ARNT2: variants seen among roughly 807,000 people sequenced by gnomAD.
ARNT2 encodes the protein ARNT protein 2.
ARNT2 carries 36 observed loss-of-function variants against 91.7 expected under a neutral mutation model. The ratio of observed to expected loss-of-function variants is 0.39; its 90% CI spans 0.30 to 0.52. The LOEUF is 0.52. Ranked by LOEUF, ARNT2 falls within the 20% of genes least tolerant of loss-of-function variation. The pLI, the probability that ARNT2 is intolerant of heterozygous loss-of-function variation, is 0.72. For synonymous variants in ARNT2, 365 were observed against 347.1 expected (o/e 1.05, Z -0.57); for missense variants, 775 against 939.3 (o/e 0.83, Z 2.29).
rs145109181 is a variant in ARNT2 at position 80,498,502 on chromosome 15, A to C, written c.623-9654A>C. ...CTGTATTAATGACCGTCCTAGGACAATAGGCAAAAGCTAGGCTGTCCCAGC... is the reference window on the plus strand; with the variant it reads ...CTGTATTAATGACCGTCCTAGGACACTAGGCAAAAGCTAGGCTGTCCCAGC... On this transcript the variant is annotated intron_variant, in intron 5 of 18. Coordinates refer to ENST00000303329, the MANE Select transcript of ARNT2 (RefSeq NM_014862.4). Among the ~76,000 whole-genome samples the C allele has an allele frequency of 8.4e-3, 1,286 of 152,352 alleles. 8 individuals carry two copies. The highest frequency in any genetic ancestry group is 0.014 in the Non-Finnish European group (940 of 68,030).
At chr15:80,446,620 G>A (rs62006385) in intron 1 of ARNT2, among the ~76,000 whole-genome samples, 15,358 of 152,290 alleles carry the variant, frequency 0.1, 827 homozygotes, top group Middle Eastern at 0.16. Flanking sequence ...CACTAGCCAT[G>A]TTACAGGGTA....
chr15:80,570,460 C>CTTAT (rs148044324), intron 12 of ARNT2, among the ~76,000 whole-genome samples: 9,081 of 152,158 alleles, frequency 0.06, 860 homozygotes, highest in African/African-American at 0.21. Context: ...TAACAAAAGC[C>CTTAT]ATAAAGTAAG....
In ARNT2 at chr15:80,551,210, C is replaced by A. The variant is rs1338755934; in HGVS notation, c.889C>A (p.Pro297Thr). 3.7e-6 allele frequency: 6 copies of A among 1,613,820 alleles called. No individual in the cohort carries two copies. The highest frequency in any genetic ancestry group is 3.3e-5 in the Admixed American group (2 of 60,004). The part of the protein sequence containing the change: ...KAWPPAGMTI[P>T]EEDADVGQGS... ...ATTTCCCATTTCAGGAATGACCATA[C>A]CTGAAGAAGACGCTGATGTGGGACA... Residue 297 changes from proline to threonine, a missense_variant, in exon 9 of 19, where the codon CCT becomes ACT. Around this residue, in one of 5 missense-constraint regions of ARNT2, gnomAD observed 285 missense variants for 327.2 expected, o/e 0.87. Coordinates refer to ENST00000303329, the MANE Select transcript of ARNT2 (RefSeq NM_014862.4).
intron 8 of ARNT2, among the ~76,000 whole-genome samples, chr15:80,520,925 G>A (rs1483346552): frequency 6.6e-6 from 1 of 151,984 alleles, no homozygotes; most frequent in African/African-American, 2.4e-5. Context: ...TTGTCACATT[G>A]CTCTAGTATA....
Position 80,505,057 on chromosome 15 carries a change from C to T in ARNT2, c.623-3099C>T, listed in dbSNP as rs893378764. On this transcript the variant is annotated intron_variant, in intron 5 of 18. Transcript: ENST00000303329. Reference sequence around the variant, plus strand: ...AAGGTTCTCAAGGAGGAGTGTGACGCGATCATTTGATCTAAGCCTGCCAGG... The same window carrying T: ...AAGGTTCTCAAGGAGGAGTGTGACGTGATCATTTGATCTAAGCCTGCCAGG... 6.6e-5 allele frequency among the ~76,000 whole-genome samples: 10 copies of T among 152,260 alleles called. No homozygotes were observed. The South Asian group carries it at 1.4e-3, about 22-fold the overall frequency.
chr15:80,508,528 A>G (rs1302961148), intron 6 of ARNT2, among the ~76,000 whole-genome samples: 1 of 152,010 alleles, frequency 6.6e-6, no homozygotes, highest in African/African-American at 2.4e-5. Context: ...GTATCACTCT[A>G]CTTCCTACCC....
At chr15:80,470,701 G>A (rs907369278) in intron 4 of ARNT2, among the ~76,000 whole-genome samples, 4 of 152,210 alleles carry the variant, frequency 2.6e-5, no homozygotes, top group African/African-American at 9.7e-5. Flanking sequence ...ACTGACACAG[G>A]AAGAAGTTAG....
intron 8 of ARNT2, among the ~76,000 whole-genome samples, chr15:80,525,446 G>A (rs956428388): frequency 6.6e-6 from 1 of 152,008 alleles, no homozygotes; most frequent in Non-Finnish European, 1.5e-5. Context: ...GGCATGCTTT[G>A]TTCATCATCT....
intron 6 of ARNT2, among the ~76,000 whole-genome samples, chr15:80,511,793 A>G (rs1897346646): frequency 1.3e-5 from 2 of 152,130 alleles, no homozygotes; most frequent in South Asian, 4.2e-4. Context: ...GAGAAGGAGC[A>G]GAGAGGCAGG....
chr15:80,555,285 TCA>T, intron 11 of ARNT2, 146 bp downstream of exon 11: 1 of 730,138 alleles, frequency 1.4e-6, no homozygotes, highest in Non-Finnish European at 2.3e-6. Context: ...AGGAAGTCAC[TCA>T]CAGTCTAGTA....
intron 6 of ARNT2, among the ~76,000 whole-genome samples, chr15:80,511,111 G>A (rs909130596): frequency 1.3e-5 from 2 of 152,024 alleles, no homozygotes; most frequent in African/African-American, 4.8e-5. Context: ...CAATAGCAAA[G>A]ACATGGAATC....
In ARNT2 at chr15:80,596,989, A is replaced by G. The variant is rs1221485373; in HGVS notation, c.*3291A>G. 3 of 369,198 alleles carry G rather than the reference A, an allele frequency of 8.1e-6. No homozygotes were observed. Among genetic ancestry groups the G allele is most frequent in the African/African-American group, 2.1e-5 (1 of 46,934 alleles). 22.9% of individuals were successfully genotyped at this position (369,198 alleles called of 1,614,324 possible). A position where few individuals can be genotyped will look rare whatever the true frequency, so the allele number is the denominator to read the frequency against. On this transcript the variant is annotated 3_prime_UTR_variant, in exon 19 of 19. Coordinates refer to ENST00000303329, the MANE Select transcript of ARNT2 (RefSeq NM_014862.4). ...ATCACAAATAGCCACATTCTGCTCT[A>G]CTCTCCAACATACCAGATTCTACAC...
At chr15:80,464,947 C>T (rs1041964929) in intron 3 of ARNT2, among the ~76,000 whole-genome samples, 2 of 152,180 alleles carry the variant, frequency 1.3e-5, no homozygotes, top group African/African-American at 4.8e-5. Context: ...TGATGACTCC[C>T]CCAGGCTACC....
chr15:80,498,928 T>C (rs1415684461), intron 5 of ARNT2, among the ~76,000 whole-genome samples: 1 of 152,188 alleles, frequency 6.6e-6, no homozygotes, highest in Non-Finnish European at 1.5e-5. Context: ...CTGTGAAAAG[T>C]AGTACAGGCT....
Position 80,595,536 on chromosome 15 carries a change from C to T in ARNT2, c.*1838C>T. On this transcript the variant is annotated 3_prime_UTR_variant, in exon 19 of 19. Coordinates refer to ENST00000303329, the MANE Select transcript of ARNT2 (RefSeq NM_014862.4). The stretch of plus-strand genomic sequence containing the variant: ...GTCTGGCCAGGGAGATCCATGTGCT[C>T]AATGTTGCTGGGGGACCTACAAAAG... 6.6e-6 allele frequency: 1 copy of T among 152,276 alleles called. No homozygotes were observed. Among genetic ancestry groups the T allele is most frequent in the Non-Finnish European group, 1.5e-5 (1 of 68,076 alleles). The allele number at this position is 152,276 out of a possible 1,614,324, so 9.4% of individuals were successfully genotyped here.
At chr15:80,510,421 C>T (rs900932495) in intron 6 of ARNT2, among the ~76,000 whole-genome samples, 1 of 152,112 alleles carries the variant, frequency 6.6e-6, no homozygotes, top group Admixed American at 6.5e-5. Context: ...AGAAGACATA[C>T]ATGCGGCCAA....
chr15:80,497,321 A>G (rs1398158138), intron 5 of ARNT2, among the ~76,000 whole-genome samples: 2 of 152,272 alleles, frequency 1.3e-5, no homozygotes, highest in African/African-American at 2.4e-5. Context: ...TTGAAGCACA[A>G]AAAGGATTTG....
Position 80,536,979 on chromosome 15 carries a change from GTGA to G in ARNT2, c.878-14217_878-14215del, listed in dbSNP as rs960158406. Among the ~76,000 whole-genome samples the G allele has an allele frequency of 4.6e-5, 7 of 152,298 alleles. No individual in the cohort carries two copies. In the East Asian group the frequency reaches 1.2e-3, roughly 25 times the overall value. On this transcript the variant is annotated intron_variant, in intron 8 of 18. Coordinates refer to ENST00000303329, the MANE Select transcript of ARNT2 (RefSeq NM_014862.4). The stretch of plus-strand genomic sequence containing the variant: ...AAAGCCTCAAGCTGGTGGCCTCAGG[GTGA>G]TGTTCAGTGTGACTGTGCCAGAGCC...
intron 17 of ARNT2, among the ~76,000 whole-genome samples, chr15:80,589,153 A>G (rs568745836): frequency 6.6e-6 from 1 of 152,362 alleles, no homozygotes; most frequent in South Asian, 2.1e-4. Context: ...GAGAAAGAGT[A>G]GTGTAAGAAG....
Sources: allele counts gnomAD v4.1 joint callset (sites outside exome capture counted in the v4.1 genomes callset), GRCh38; gene constraint gnomAD v4.1.1; regional missense constraint gnomAD v4.1.1; transcripts MANE v1.5; gene names NCBI Gene and HGNC (gene_info 2026-07-23, HGNC 2026-07-21).